Variants in TCTN1 observed in about 807,000 individuals in gnomAD.
TCTN1 encodes tectonic-1.
Under a neutral mutation model 65.8 loss-of-function variants are expected in TCTN1, and 58 were observed. The observed-to-expected ratio is 0.88, with a 90% CI of 0.71 to 1.10. The LOEUF (loss-of-function observed/expected upper bound fraction) is 1.10. TCTN1 is among the 50% of genes least tolerant of loss of function. TCTN1 has a pLI of 0.00. For missense variants in TCTN1, 645 were observed against 719.4 expected (o/e 0.90, Z 1.18); for synonymous variants, 273 against 289.1 (o/e 0.94, Z 0.57).
chr12:110,636,602 G>A lies in TCTN1; in HGVS notation c.843+101G>A, dbSNP rs183504894. 8.2e-5 allele frequency: 60 copies of A among 735,530 alleles called. 1 individual carries two copies. In the Middle Eastern group the frequency reaches 2.1e-3, roughly 26 times the overall value. 45.6% of individuals were successfully genotyped at this position (735,530 alleles called of 1,614,324 possible). A position where few individuals can be genotyped will look rare whatever the true frequency, so the allele number is the denominator to read the frequency against. ...ATGAATACAGTTACAATTAGAAGGG[G>A]ACCTTGTTGCTAATAGCAAATACAT... On this transcript the variant is annotated intron_variant, in intron 7 of 14. Coordinates refer to ENST00000397659, the MANE Select transcript of TCTN1 (RefSeq NM_001082538.3).
intron 2 of TCTN1, among the ~76,000 whole-genome samples, chr12:110,622,820 T>G (rs2065535706): frequency 1.3e-5 from 2 of 152,152 alleles, no homozygotes; most frequent in South Asian, 4.1e-4. Flanking sequence ...CTTATGTAAT[T>G]CTGCAGCATC....
At chr12:110,627,495 G>A (rs2065938923) in intron 3 of TCTN1, among the ~76,000 whole-genome samples, 2 of 152,186 alleles carry the variant, frequency 1.3e-5, no homozygotes, top group Admixed American at 6.5e-5. Context: ...TTATAGACCT[G>A]TGGGCATGCA....
chr12:110,643,793 C>T (rs7961345), intron 11 of TCTN1: 12,120 of 152,206 alleles, frequency 0.08, 523 homozygotes, highest in Middle Eastern at 0.11. Context: ...CTGCTTCAGC[C>T]TCCTAATAGC....
At chr12:110,647,113 T>C in intron 12 of TCTN1, 83 bp from the exon 13 acceptor site, 1 of 1,518,832 alleles carries the variant, frequency 6.6e-7, no homozygotes, top group Non-Finnish European at 9.1e-7. Context: ...CATTTTGTAA[T>C]ATGTGAAACC....
At chr12:110,634,213 A>G (rs1169436188) in intron 5 of TCTN1, among the ~76,000 whole-genome samples, 2 of 152,282 alleles carry the variant, frequency 1.3e-5, no homozygotes, top group East Asian at 3.9e-4. Context: ...TTTTATTTCC[A>G]TAGAATATTT....
At chr12:110,618,363 C>T (rs1317703597) in intron 1 of TCTN1, among the ~76,000 whole-genome samples, 1 of 152,140 alleles carries the variant, frequency 6.6e-6, no homozygotes, top group African/African-American at 2.4e-5. Context: ...GCCTCAGCCT[C>T]CCCAGTAGCT....
At chr12:110,642,005 G>A (rs2066991323) in intron 10 of TCTN1, 2 of 593,282 alleles carry the variant, frequency 3.4e-6, no homozygotes, top group East Asian at 2.8e-5. Flanking sequence ...CTAAACAGAT[G>A]TAGTGATTTT....
chr12:110,646,538 A>T (rs1016016807), intron 12 of TCTN1: 1 of 152,996 alleles, frequency 6.5e-6, no homozygotes, highest in African/African-American at 2.4e-5. Flanking sequence ...AGCCCTGGAA[A>T]GCCCACGGCC....
intron 1 of TCTN1, 128 bp from the exon 2 acceptor site, chr12:110,619,708 C>A: frequency 6.8e-7 from 1 of 1,465,060 alleles, no homozygotes; most frequent in Non-Finnish European, 9.3e-7. Context: ...AAATTTCCCC[C>A]AAAGTGCAAT....
At chr12:110,648,898 G>A (rs532299954) in intron 14 of TCTN1, 145 bp from the exon 15 acceptor site, 3 of 399,662 alleles carry the variant, frequency 7.5e-6, no homozygotes, top group South Asian at 3.6e-5. Context: ...CCTAGAAGCT[G>A]GCTGATGCAG....
At position 110,640,600 on chromosome 12, in the gene TCTN1, A is replaced by G; in HGVS notation, c.978+83A>G. ...CGCCGGGGTAACTGGACGCCCTCCG[A>G]GGACGCTCTGTCCCAGCCCATGGTG... On this transcript the variant is annotated intron_variant, in intron 8 of 14. Coordinates refer to ENST00000397659, the MANE Select transcript of TCTN1 (RefSeq NM_001082538.3). The surrounding 1 kb of genome is among the most constrained non-coding windows in gnomAD (Gnocchi z 4.9). 6.3e-7 allele frequency: 1 copy of G among 1,599,536 alleles called. No individual in the cohort carries two copies. The highest frequency in any genetic ancestry group is 8.6e-7 in the Non-Finnish European group (1 of 1,168,910).
intron 13 of TCTN1, 136 bp from the exon 14 acceptor site, chr12:110,647,613 G>A: frequency 7.4e-7 from 1 of 1,343,696 alleles, no homozygotes; most frequent in Non-Finnish European, 1.1e-6. Flanking sequence ...CAAGTTAATG[G>A]CCAATTAGTG....
chr12:110,634,581 A>G (rs914673560), intron 5 of TCTN1, 89 bp from the exon 6 acceptor site: 2 of 965,820 alleles, frequency 2.1e-6, no homozygotes, highest in African/African-American at 1.7e-5. Context: ...AGTTTTACCT[A>G]GATTAAAACT....
intron 2 of TCTN1, among the ~76,000 whole-genome samples, chr12:110,624,016 A>G (rs926806421): frequency 6.6e-6 from 1 of 152,224 alleles, no homozygotes; most frequent in African/African-American, 2.4e-5. Context: ...GCCTTAAAAC[A>G]GTATGTAGAA....
intron 1 of TCTN1, 74 bp from the exon 2 acceptor site, chr12:110,619,762 A>C (rs1489670202): frequency 6.2e-7 from 1 of 1,607,714 alleles, no homozygotes; most frequent in Non-Finnish European, 8.5e-7. Flanking sequence ...GACTTATGGT[A>C]CACTGTGGTG....
chr12:110,630,405 T>G (rs1049490045), intron 4 of TCTN1: 4 of 152,230 alleles, frequency 2.6e-5, no homozygotes, highest in Admixed American at 2.0e-4. Flanking sequence ...TCTGGTCATC[T>G]TCTCAAAATT....
chr12:110,646,993 G>C lies in TCTN1; in HGVS notation c.1495-203G>C, dbSNP rs567523327. On this transcript the variant is annotated intron_variant, in intron 12 of 14. Coordinates refer to ENST00000397659, the MANE Select transcript of TCTN1 (RefSeq NM_001082538.3). ...AAATAGGAGGAGATGGAAAAATTAC[G>C]CTTCAGCTGTTAAAAATATTTTTGG... 807 of 607,544 alleles carry C rather than the reference G, an allele frequency of 1.3e-3. 5 individuals carry two copies. Among genetic ancestry groups the C allele is most frequent in the Non-Finnish European group, 1.2e-3 (420 of 355,700 alleles). The allele number at this position is 607,544 out of a possible 1,614,324, so 37.6% of individuals were successfully genotyped here.
chr12:110,642,212 C>T, intron 10 of TCTN1, 37 bp from the exon 11 acceptor site: 1 of 1,613,790 alleles, frequency 6.2e-7, no homozygotes, highest in Non-Finnish European at 8.5e-7. Context: ...CCAGGCTGCT[C>T]TAGCACTAGG....
In TCTN1 at chr12:110,633,771, A is replaced by G. The variant is rs527911359; in HGVS notation, c.713-899A>G. Among the ~76,000 whole-genome samples the G allele has an allele frequency of 2.6e-5, 4 of 152,344 alleles. No individual in the cohort carries two copies. The South Asian group carries it at 8.3e-4, about 32-fold the overall frequency. On this transcript the variant is annotated intron_variant, in intron 5 of 14. Coordinates refer to ENST00000397659, the MANE Select transcript of TCTN1 (RefSeq NM_001082538.3). ...AAAAAAACTGAAGCTGTGGGGAAACAGGCAGTCCACCTACATAGCTGGTGA... is the reference window on the plus strand; with the variant it reads ...AAAAAAACTGAAGCTGTGGGGAAACGGGCAGTCCACCTACATAGCTGGTGA...
Sources: allele counts gnomAD v4.1 joint callset (sites outside exome capture counted in the v4.1 genomes callset), GRCh38; gene constraint gnomAD v4.1.1; non-coding constraint Gnocchi (gnomAD v3.1); transcripts MANE v1.5; gene names NCBI Gene and HGNC (gene_info 2026-07-23, HGNC 2026-07-21).